FRMD6: variants seen among roughly 807,000 people sequenced by gnomAD.
FRMD6 encodes FERM domain-containing protein 6.
FRMD6 carries 37 observed loss-of-function variants against 73.2 expected under a neutral mutation model. The ratio of observed to expected loss-of-function variants is 0.51; its 90% CI spans 0.39 to 0.66. The LOEUF is 0.66. FRMD6 is among the 30% of genes least tolerant of loss of function. FRMD6 has a pLI of 0.00. For missense variants in FRMD6, 714 were observed against 780.5 expected (o/e 0.91, Z 1.02); for synonymous variants, 273 against 282.2 (o/e 0.97, Z 0.33).
chr14:51,641,524 G>A (rs1281731292), intron 2 of FRMD6, among the ~76,000 whole-genome samples: 1 of 152,044 alleles, frequency 6.6e-6, no homozygotes, highest in African/African-American at 2.4e-5. Flanking sequence ...AACGTCTTGG[G>A]GCTGTGGGAA....
the FRMD6 span, among the ~76,000 whole-genome samples, chr14:51,427,793 C>T: frequency 2.6e-4 from 39 of 152,240 alleles, 1 homozygote; most frequent in South Asian, 6.2e-3. Context: ...TCTGATGTTG[C>T]GCTGAACTTG....
At chr14:51,407,383 G>A in the FRMD6 span, among the ~76,000 whole-genome samples, 1 of 151,590 alleles carries the variant, frequency 6.6e-6, no homozygotes, top group African/African-American at 2.4e-5. Context: ...AATAGTTTGT[G>A]TAATTAGGAT....
intron 1 of FRMD6, among the ~76,000 whole-genome samples, chr14:51,570,128 G>T (rs1888053242): frequency 6.6e-6 from 1 of 152,048 alleles, no homozygotes; most frequent in Non-Finnish European, 1.5e-5. Context: ...GAGCCACCGT[G>T]CCCGGCGGAG....
chr14:51,652,742 G>A (rs1892516423), intron 1 of FRMD6, among the ~76,000 whole-genome samples: 1 of 152,234 alleles, frequency 6.6e-6, no homozygotes, highest in African/African-American at 2.4e-5. Flanking sequence ...CGGAGCCCCA[G>A]GCGAACAGGA....
chr14:51,588,644 C>T (rs1217750558), intron 2 of FRMD6, among the ~76,000 whole-genome samples: 1 of 152,174 alleles, frequency 6.6e-6, no homozygotes, highest in Non-Finnish European at 1.5e-5. Context: ...AGTTTTAGAT[C>T]TCCTAAAATG....
At chr14:51,654,262 C>T (rs1892650574) in intron 1 of FRMD6, among the ~76,000 whole-genome samples, 1 of 134,298 alleles carries the variant, frequency 7.4e-6, no homozygotes, top group Non-Finnish European at 1.5e-5. Flanking sequence ...TTTTTAGTTA[C>T]AAATTCTTAA....
At chr14:51,517,715 G>T (rs1884710091) in intron 1 of FRMD6, among the ~76,000 whole-genome samples, 1 of 152,082 alleles carries the variant, frequency 6.6e-6, no homozygotes, top group East Asian at 1.9e-4. Flanking sequence ...GGGCTGAAAT[G>T]TAATTCTTCT....
At chr14:51,463,224 G>A in the FRMD6 span, among the ~76,000 whole-genome samples, 3 of 152,202 alleles carry the variant, frequency 2.0e-5, no homozygotes, top group African/African-American at 7.2e-5. Context: ...CTGACTGAAA[G>A]TATTTGCTTT....
the FRMD6 span, among the ~76,000 whole-genome samples, chr14:51,462,379 GGT>G: frequency 6.6e-6 from 1 of 152,142 alleles, no homozygotes; most frequent in African/African-American, 2.4e-5. Flanking sequence ...AAATTATATG[GGT>G]GTGGTTCACC....
chr14:51,469,278 A>T, the FRMD6 span, among the ~76,000 whole-genome samples: 21 of 149,054 alleles, frequency 1.4e-4, no homozygotes, highest in East Asian at 3.3e-3. Context: ...TTATTTATTT[A>T]TTTTTTATTG....
chr14:51,692,472 A>ATG (rs10637550), intron 2 of FRMD6, among the ~76,000 whole-genome samples: 71,949 of 150,404 alleles, frequency 0.48, 17,431 homozygotes, highest in African/African-American at 0.56. Flanking sequence ...ACGTGGTGCA[A>ATG]TGTGTGTGTG....
chr14:51,497,045 C>T (rs1369659880), intron 1 of FRMD6, among the ~76,000 whole-genome samples: 1 of 152,102 alleles, frequency 6.6e-6, no homozygotes, highest in East Asian at 1.9e-4. Context: ...ACATGGTAAC[C>T]TTAATATCCT....
At chr14:51,573,640 G>A (rs1379058457) in intron 2 of FRMD6, among the ~76,000 whole-genome samples, 2 of 152,172 alleles carry the variant, frequency 1.3e-5, no homozygotes, top group Non-Finnish European at 2.9e-5. Context: ...ATGCTACTGT[G>A]GAGCCAACAT....
chr14:51,705,089 C>T (rs1262639754), intron 6 of FRMD6, among the ~76,000 whole-genome samples, 154 bp downstream of exon 6: 1 of 152,058 alleles, frequency 6.6e-6, no homozygotes, highest in Non-Finnish European at 1.5e-5. Context: ...GAACGTGGTG[C>T]ACATCATGTC....
intron 1 of FRMD6, among the ~76,000 whole-genome samples, chr14:51,676,056 T>C (rs1318721798): frequency 6.6e-6 from 1 of 152,146 alleles, no homozygotes; most frequent in Non-Finnish European, 1.5e-5. Context: ...ATGAACTTTC[T>C]GAAAAGATAC....
intron 5 of FRMD6, 36 bp downstream of exon 5, chr14:51,702,624 T>A (rs977947293): frequency 6.6e-7 from 1 of 1,523,388 alleles, no homozygotes; most frequent in African/African-American, 1.4e-5. Flanking sequence ...ACGCTTTTTT[T>A]TCCCCCATAG....
intron 2 of FRMD6, among the ~76,000 whole-genome samples, chr14:51,633,552 G>C (rs527978958): frequency 3.2e-4 from 37 of 116,362 alleles, no homozygotes; most frequent in Non-Finnish European, 5.6e-4. Flanking sequence ...AGTGAGCTAA[G>C]ATCATGCCAC....
At chr14:51,416,424 C>T in the FRMD6 span, among the ~76,000 whole-genome samples, 15 of 152,162 alleles carry the variant, frequency 9.9e-5, 1 homozygote, top group Non-Finnish European at 1.8e-4. Flanking sequence ...AGTAGTCATT[C>T]GGGAGCAGGT....
At chr14:51,550,720 A>G (rs1360960699) in intron 1 of FRMD6, among the ~76,000 whole-genome samples, 2 of 152,028 alleles carry the variant, frequency 1.3e-5, no homozygotes, top group Non-Finnish European at 2.9e-5. Flanking sequence ...TAACTCTCCT[A>G]CTCACTACTT....
Sources: allele counts gnomAD v4.1 joint callset (sites outside exome capture counted in the v4.1 genomes callset), GRCh38; gene constraint gnomAD v4.1.1; transcripts MANE v1.5; gene names NCBI Gene and HGNC (gene_info 2026-07-23, HGNC 2026-07-21).